Variants in KCNH7 observed in about 807,000 individuals in gnomAD.
KCNH7 encodes the protein potassium voltage-gated channel subfamily H member 7.
Under a neutral mutation model 120.8 loss-of-function variants are expected in KCNH7, and 49 were observed. That is an observed-to-expected ratio of 0.41 (90% CI 0.32 to 0.51). The LOEUF (loss-of-function observed/expected upper bound fraction) is 0.51. Ranked by LOEUF, KCNH7 falls within the 20% of genes least tolerant of loss-of-function variation. KCNH7 has a pLI of 0.38. For synonymous variants in KCNH7, 547 were observed against 516.1 expected (o/e 1.06, Z -0.81); for missense variants, 1,097 against 1,446.6 (o/e 0.76, Z 3.92).
intron 6 of KCNH7, among the ~76,000 whole-genome samples, chr2:162,470,063 C>A (rs1175951526): frequency 2.6e-5 from 4 of 152,200 alleles, no homozygotes; most frequent in Non-Finnish European, 5.9e-5. Context: ...GCTACAACCT[C>A]CATCTCCCAG....
At chr2:162,577,460 C>A (rs1693726619) in intron 2 of KCNH7, among the ~76,000 whole-genome samples, 1 of 151,360 alleles carries the variant, frequency 6.6e-6, no homozygotes, top group Non-Finnish European at 1.5e-5. Context: ...TATTGAGGAA[C>A]CCAGAGAGAT....
intron 13 of KCNH7, among the ~76,000 whole-genome samples, chr2:162,383,990 C>T (rs1304477173): frequency 6.6e-6 from 1 of 151,784 alleles, no homozygotes; most frequent in African/African-American, 2.4e-5. Flanking sequence ...CACTTACTAG[C>T]TAGACCTATA....
chr2:162,573,288 A>C (rs1186894800), intron 2 of KCNH7, among the ~76,000 whole-genome samples: 4 of 152,088 alleles, frequency 2.6e-5, no homozygotes, highest in African/African-American at 4.8e-5. Context: ...GAGAACATCA[A>C]GGGTAAGAAT....
chr2:162,504,306 C>A, intron 6 of KCNH7, 137 bp downstream of exon 6: 1 of 649,926 alleles, frequency 1.5e-6, no homozygotes, highest in Non-Finnish European at 2.7e-6. Context: ...AGTTACCCAA[C>A]ATCTCAAGAT....
rs551541172 is a variant in KCNH7, at chr2:162,765,490, G to A, written c.307+71047C>T. Among the ~76,000 whole-genome samples the A allele has an allele frequency of 2.0e-5, 3 of 152,234 alleles. No individual in the cohort carries two copies. The South Asian group carries it at 6.2e-4, about 32-fold the overall frequency. On this transcript the variant is annotated intron_variant, in intron 2 of 15. Coordinates refer to ENST00000332142, the MANE Select transcript of KCNH7 (RefSeq NM_033272.4). ...CTAATATAGGTAGGTCCTTTGCTGTGTGCTGGAAGGTTTTCTTCATAGGGA... is the reference window on the plus strand; with the variant it reads ...CTAATATAGGTAGGTCCTTTGCTGTATGCTGGAAGGTTTTCTTCATAGGGA...
rs1452525846 is a variant in KCNH7 at position 162,504,718 on chromosome 2, T to A, written c.914-61A>T. ...AGAAGATATAGAAGAAAGAGACAGTTCTGAATGCCCTGCTAATGATTCCTG... is the reference window on the plus strand; with the variant it reads ...AGAAGATATAGAAGAAAGAGACAGTACTGAATGCCCTGCTAATGATTCCTG... On this transcript the variant is annotated intron_variant, in intron 5 of 15. Transcript: ENST00000332142. 1.2e-5 allele frequency: 13 copies of A among 1,044,254 alleles called. No individual in the cohort carries two copies. In the East Asian group the frequency reaches 2.9e-4, roughly 23 times the overall value. The allele number at this position is 1,044,254 out of a possible 1,614,324, so 64.7% of individuals were successfully genotyped here. A position where few individuals can be genotyped will look rare whatever the true frequency, so the allele number is the denominator to read the frequency against.
intron 2 of KCNH7, among the ~76,000 whole-genome samples, chr2:162,557,058 A>G (rs1692880841): frequency 6.6e-6 from 1 of 152,224 alleles, no homozygotes; most frequent in Admixed American, 6.5e-5. Flanking sequence ...ATTATCTCAC[A>G]TGGCTCCATA....
At chr2:162,737,919 GCCACGTA>G (rs1205395477) in intron 2 of KCNH7, among the ~76,000 whole-genome samples, 7 of 151,944 alleles carry the variant, frequency 4.6e-5, no homozygotes, top group Non-Finnish European at 8.8e-5. Context: ...ACAAAAATTA[GCCACGTA>G]TGGTGGCGCA....
At chr2:162,794,601 T>C (rs574479499) in intron 2 of KCNH7, among the ~76,000 whole-genome samples, 1 of 152,088 alleles carries the variant, frequency 6.6e-6, no homozygotes, top group Non-Finnish European at 1.5e-5. Flanking sequence ...TTTTCTCTTA[T>C]ACATGTTCTT....
At chr2:162,743,560 C>T (rs549363974) in intron 2 of KCNH7, among the ~76,000 whole-genome samples, 2 of 151,984 alleles carry the variant, frequency 1.3e-5, no homozygotes, top group South Asian at 2.1e-4. Context: ...TGTAGGGTCA[C>T]GGAACATAGA....
intron 2 of KCNH7, among the ~76,000 whole-genome samples, chr2:162,647,465 T>A (rs374962418): frequency 6.6e-6 from 1 of 152,180 alleles, no homozygotes; most frequent in Non-Finnish European, 1.5e-5. Context: ...TATATCCTAA[T>A]ATGGTTGGCT....
chr2:162,407,737 G>A (rs1386785823), intron 9 of KCNH7, among the ~76,000 whole-genome samples: 1 of 151,942 alleles, frequency 6.6e-6, no homozygotes, highest in African/African-American at 2.4e-5. Context: ...GGGAAGGGAT[G>A]AACAGAACAT....
Position 162,413,835 on chromosome 2 carries a change from C to T in KCNH7, c.2154+9501G>A, listed in dbSNP as rs181761441. The stretch of plus-strand genomic sequence containing the variant: ...GTATCCAAAATAGTCCTTAAACAAA[C>T]GAACATATTGAAAATATATTAGGAT... On this transcript the variant is annotated intron_variant, in intron 9 of 15. Transcript: ENST00000332142. 9.3e-5 allele frequency among the ~76,000 whole-genome samples: 14 copies of T among 150,900 alleles called. No homozygotes were observed. In the East Asian group the frequency reaches 1.8e-3, roughly 19 times the overall value.
intron 2 of KCNH7, among the ~76,000 whole-genome samples, chr2:162,565,236 T>G (rs1163809223): frequency 6.6e-6 from 1 of 152,054 alleles, no homozygotes; most frequent in African/African-American, 2.4e-5. Flanking sequence ...TTACACAACA[T>G]TTAGACTTGA....
chr2:162,796,938 A>G (rs1261173501), intron 2 of KCNH7: 1 of 152,006 alleles, frequency 6.6e-6, no homozygotes, highest in Non-Finnish European at 1.5e-5. Context: ...GCACAGTTCC[A>G]ATTATATGGA....
chr2:162,539,984 T>C (rs1008392016), intron 2 of KCNH7, among the ~76,000 whole-genome samples: 2 of 152,098 alleles, frequency 1.3e-5, no homozygotes, highest in African/African-American at 4.8e-5. Flanking sequence ...TCAAGTGACA[T>C]TGCCCTAAGA....
Position 162,754,187 on chromosome 2 carries a change from T to C in KCNH7, c.307+82350A>G, listed in dbSNP as rs1048828033. 2.0e-4 allele frequency among the ~76,000 whole-genome samples: 31 copies of C among 151,996 alleles called. No homozygotes were observed. The East Asian group carries it at 5.8e-3, about 28-fold the overall frequency. ...ACTTTCATAATAACAAAGGGTGAAT[T>C]TGAGAAGGAAGAAACTGAAAACAGA... On this transcript the variant is annotated intron_variant, in intron 2 of 15. Transcript: ENST00000332142.
At chr2:162,420,775 T>C (rs969908108) in intron 9 of KCNH7, among the ~76,000 whole-genome samples, 1 of 152,206 alleles carries the variant, frequency 6.6e-6, no homozygotes, top group Non-Finnish European at 1.5e-5. Flanking sequence ...TATTTAAGGT[T>C]ATACGTAAAA....
chr2:162,756,664 T>C (rs888041553), intron 2 of KCNH7, among the ~76,000 whole-genome samples: 1 of 152,110 alleles, frequency 6.6e-6, no homozygotes, highest in Non-Finnish European at 1.5e-5. Flanking sequence ...ATGAGGTCTA[T>C]GTTGCCCAAG....
Sources: allele counts gnomAD v4.1 joint callset (sites outside exome capture counted in the v4.1 genomes callset), GRCh38; gene constraint gnomAD v4.1.1; transcripts MANE v1.5; gene names NCBI Gene and HGNC (gene_info 2026-07-23, HGNC 2026-07-21).